Variants in STX8 observed in about 807,000 individuals in gnomAD.
STX8 encodes syntaxin 8.
Under a neutral mutation model 37.5 loss-of-function variants are expected in STX8, and 23 were observed. The ratio of observed to expected loss-of-function variants is 0.61; its 90% CI spans 0.44 to 0.87. The LOEUF (loss-of-function observed/expected upper bound fraction) is 0.87. STX8 is among the 40% of genes least tolerant of loss of function. The probability of loss-of-function intolerance (pLI) is 0.00; values close to 1 mark genes in which losing one functional copy is unlikely to be tolerated. For synonymous variants in STX8, 115 were observed against 99.1 expected (o/e 1.16, Z -0.95); for missense variants, 313 against 284.7 (o/e 1.10, Z -0.71).
intron 4 of STX8, among the ~76,000 whole-genome samples, chr17:9,516,298 CATATAT>C (rs150682084): frequency 0.025 from 1,310 of 51,672 alleles, 27 homozygotes; most frequent in East Asian, 0.13. Context: ...GAACCACAGT[CATATAT>C]ATATATATAT....
chr17:9,474,044 G>A (rs1905993967), intron 6 of STX8, among the ~76,000 whole-genome samples: 3 of 152,144 alleles, frequency 2.0e-5, no homozygotes, highest in African/African-American at 7.2e-5. Context: ...GTCATCGATC[G>A]TGCCTATGTA....
intron 7 of STX8, among the ~76,000 whole-genome samples, chr17:9,317,803 T>C (rs1909439204): frequency 6.6e-6 from 1 of 151,780 alleles, no homozygotes; most frequent in African/African-American, 2.4e-5. Flanking sequence ...GGCTGTTTTC[T>C]CTACACAAAT....
At chr17:9,506,003 C>G (rs1904808227) in intron 4 of STX8, among the ~76,000 whole-genome samples, 1 of 150,872 alleles carries the variant, frequency 6.6e-6, no homozygotes, top group Non-Finnish European at 1.5e-5. Flanking sequence ...TGCAGGGTTT[C>G]AATACCAATT....
chr17:9,304,915 G>GAAAA lies in STX8; in HGVS notation c.644-54274_644-54271dup, dbSNP rs1200902556. On this transcript the variant is annotated intron_variant, in intron 7 of 7. Coordinates refer to ENST00000306357, the MANE Select transcript of STX8 (RefSeq NM_004853.3). ...AATATGCTACCTTTCATATATGGGC[G>GAAAA]AAAAAAAAAATATGTATATATATAT... 8.0e-3 allele frequency among the ~76,000 whole-genome samples: 1,081 copies of GAAAA among 134,502 alleles called. 13 individuals carry two copies. Among genetic ancestry groups the GAAAA allele is most frequent in the African/African-American group, 0.032 (1,036 of 32,632 alleles). The allele number at this position is 134,502 out of a possible 152,430, so 88.2% of individuals were successfully genotyped here. A position where few individuals can be genotyped will look rare whatever the true frequency, so the allele number is the denominator to read the frequency against.
intron 6 of STX8, among the ~76,000 whole-genome samples, chr17:9,382,218 A>G (rs76627771): frequency 0.032 from 4,910 of 152,060 alleles, 162 homozygotes; most frequent in African/African-American, 0.086. Context: ...CAAGAGGTAT[A>G]GTTTTAAAAT....
At chr17:9,279,256 C>T (rs940334253) in intron 7 of STX8, among the ~76,000 whole-genome samples, 14 of 152,016 alleles carry the variant, frequency 9.2e-5, no homozygotes, top group African/African-American at 3.4e-4. Flanking sequence ...AGGGTTTCAC[C>T]ATGTTGGCCA....
At chr17:9,391,801 C>A (rs1446620461) in intron 6 of STX8, among the ~76,000 whole-genome samples, 1 of 151,914 alleles carries the variant, frequency 6.6e-6, no homozygotes, top group Admixed American at 6.6e-5. Flanking sequence ...AGATTTCACA[C>A]TGGAGAAATA....
chr17:9,333,598 C>T (rs768189001), intron 7 of STX8, among the ~76,000 whole-genome samples: 56 of 152,104 alleles, frequency 3.7e-4, no homozygotes, highest in Non-Finnish European at 6.3e-4. Context: ...ACTGTGTTAG[C>T]CAGGATGGTC....
intron 4 of STX8, among the ~76,000 whole-genome samples, chr17:9,519,872 T>C (rs73269657): frequency 0.029 from 4,275 of 149,750 alleles, 220 homozygotes; most frequent in African/African-American, 0.1. Flanking sequence ...ATGTCAATTC[T>C]GCTGCTTAGG....
At chr17:9,303,846 A>C (rs537217346) in intron 7 of STX8, among the ~76,000 whole-genome samples, 113 of 152,316 alleles carry the variant, frequency 7.4e-4, no homozygotes, top group African/African-American at 2.6e-3. Context: ...GTCTAGAAAA[A>C]AAATCCATGA....
chr17:9,274,778 G>T (rs1283101449), intron 7 of STX8, among the ~76,000 whole-genome samples: 2 of 110,888 alleles, frequency 1.8e-5, no homozygotes, highest in Admixed American at 1.2e-4. Flanking sequence ...TTGAGACGGA[G>T]TCTCGCTCTG....
intron 6 of STX8, chr17:9,452,214 G>T (rs1320293321): frequency 6.6e-6 from 1 of 151,234 alleles, no homozygotes; most frequent in East Asian, 1.9e-4. Context: ...CTTCTTGGTG[G>T]AGCCCATCTC....
intron 6 of STX8, among the ~76,000 whole-genome samples, chr17:9,466,507 C>T (rs1350347465): frequency 6.6e-6 from 1 of 152,130 alleles, no homozygotes. Context: ...AACATTTACA[C>T]ATTTTAACAC....
At chr17:9,485,775 G>A (rs573924695) in intron 6 of STX8, among the ~76,000 whole-genome samples, 5 of 151,860 alleles carry the variant, frequency 3.3e-5, no homozygotes, top group Non-Finnish European at 5.9e-5. Flanking sequence ...TAGTAGAGAC[G>A]GGGTTTCACC....
intron 7 of STX8, among the ~76,000 whole-genome samples, chr17:9,325,872 G>A (rs1294699764): frequency 3.9e-5 from 6 of 152,238 alleles, no homozygotes; most frequent in Admixed American, 3.9e-4. Flanking sequence ...AATGACTCTG[G>A]AGTGTGCAAT....
chr17:9,528,811 A>T (rs1905683810), intron 4 of STX8, among the ~76,000 whole-genome samples: 1 of 152,212 alleles, frequency 6.6e-6, no homozygotes, highest in African/African-American at 2.4e-5. Context: ...TAAAAAAAAA[A>T]TTAAGAATAG....
intron 7 of STX8, among the ~76,000 whole-genome samples, chr17:9,304,507 C>CAAAAAAAAAAAAA (rs35673905): frequency 7.0e-5 from 4 of 56,878 alleles, no homozygotes; most frequent in Admixed American, 4.3e-4. Flanking sequence ...GAAACTGTCT[C>CAAAAAAAAAAAAA]AAAAAAAAAA....
chr17:9,559,215 A>T (rs190234228), intron 2 of STX8, among the ~76,000 whole-genome samples: 181 of 152,320 alleles, frequency 1.2e-3, no homozygotes, highest in African/African-American at 4.3e-3. Flanking sequence ...CTAGAGCACA[A>T]AAAAAGATGG....
intron 6 of STX8, among the ~76,000 whole-genome samples, chr17:9,448,286 GA>G (rs1399657225): frequency 6.6e-6 from 1 of 152,014 alleles, no homozygotes; most frequent in African/African-American, 2.4e-5. Flanking sequence ...GGAACTTTCA[GA>G]GTCATTCGTG....
Sources: gnomAD v4.1 joint callset for allele counts (sites outside exome capture counted in the v4.1 genomes callset) on GRCh38, gnomAD v4.1.1 for gene constraint, MANE v1.5 for transcripts, NCBI Gene and HGNC (gene_info 2026-07-23, HGNC 2026-07-21) for gene names.